The following CDKN2B-AS1 variants were observed in gnomAD, a reference collection of about 807,000 sequenced individuals.
CDKN2B-AS1 encodes the protein CDKN2B and CDKN2A antisense cis and trans regulatory RNA 1.
At chr9:22,063,298 T>C (rs1823900913) in intron 4 of CDKN2B-AS1, among the ~76,000 whole-genome samples, 1 of 152,150 alleles carries the variant, frequency 6.6e-6, no homozygotes, top group Non-Finnish European at 1.5e-5. Flanking sequence ...TTCAGTTTTG[T>C]GACACCACAT....
chr9:22,082,367 T>C (rs1367921899), intron 4 of CDKN2B-AS1, among the ~76,000 whole-genome samples: 1 of 152,228 alleles, frequency 6.6e-6, no homozygotes, highest in African/African-American at 2.4e-5. Flanking sequence ...TGGCTCACTA[T>C]TCACATCAAT....
intron 4 of CDKN2B-AS1, among the ~76,000 whole-genome samples, chr9:22,121,291 G>T (rs979490512): frequency 1.3e-5 from 2 of 151,970 alleles, no homozygotes; most frequent in Non-Finnish European, 2.9e-5. Context: ...GGTAGAGGTT[G>T]CTCAAAAAGA....
intron 4 of CDKN2B-AS1, among the ~76,000 whole-genome samples, chr9:22,087,311 C>T (rs1824897451): frequency 6.6e-6 from 1 of 152,136 alleles, no homozygotes; most frequent in Non-Finnish European, 1.5e-5. Flanking sequence ...CATCTTCAGA[C>T]CATGAGGGGA....
intron 2 of CDKN2B-AS1, among the ~76,000 whole-genome samples, chr9:22,048,916 G>C (rs1823221091): frequency 6.6e-6 from 1 of 152,176 alleles, no homozygotes; most frequent in South Asian, 2.1e-4. Context: ...TAGGGATAGT[G>C]TGAGACAAGT....
chr9:22,032,380 G>T (rs555035575), intron 1 of CDKN2B-AS1, among the ~76,000 whole-genome samples: 1 of 149,908 alleles, frequency 6.7e-6, no homozygotes, highest in Non-Finnish European at 1.5e-5. Flanking sequence ...TACTTTTTCC[G>T]TACTTTAAAT....
At chr9:22,090,004 T>G (rs529734053) in intron 4 of CDKN2B-AS1, among the ~76,000 whole-genome samples, 2 of 117,876 alleles carry the variant, frequency 1.7e-5, no homozygotes, top group Non-Finnish European at 3.3e-5. Context: ...CAGGCCCCGG[T>G]GTGTGATGTT....
At chr9:22,015,490 A>G (rs192821498) in intron 1 of CDKN2B-AS1, among the ~76,000 whole-genome samples, 1 of 152,226 alleles carries the variant, frequency 6.6e-6, no homozygotes, top group East Asian at 1.9e-4. Flanking sequence ...TTTAAAAATT[A>G]TCTTGCCAAA....
chr9:22,074,674 T>C (rs1824426329), intron 4 of CDKN2B-AS1, among the ~76,000 whole-genome samples: 1 of 152,170 alleles, frequency 6.6e-6, no homozygotes, highest in African/African-American at 2.4e-5. Flanking sequence ...CTTGGGACTA[T>C]TATGCTTTTC....
intron 3 of CDKN2B-AS1, among the ~76,000 whole-genome samples, chr9:22,054,347 G>A (rs1339495499): frequency 5.9e-5 from 9 of 152,172 alleles, no homozygotes. Context: ...AGACACATAG[G>A]AGGTGCTCAG....
chr9:22,059,542 G>A (rs1325856378), intron 4 of CDKN2B-AS1, among the ~76,000 whole-genome samples: 5 of 152,126 alleles, frequency 3.3e-5, no homozygotes, highest in Admixed American at 3.3e-4. Flanking sequence ...TTCACCGGCT[G>A]GTGTTGAGTG....
chr9:22,121,962 A>G (rs2131377761), intron 4 of CDKN2B-AS1, among the ~76,000 whole-genome samples: 1 of 152,178 alleles, frequency 6.6e-6, no homozygotes, highest in South Asian at 2.1e-4. Context: ...TTTTTTGAGG[A>G]ACCTCCATTC....
At chr9:22,126,370 T>C (rs1818023261) in intron 4 of CDKN2B-AS1, among the ~76,000 whole-genome samples, 2 of 152,166 alleles carry the variant, frequency 1.3e-5, no homozygotes, top group African/African-American at 2.4e-5. Flanking sequence ...TTATTATATA[T>C]TCTTTTGTAG....
At chr9:22,080,569 AT>A (rs72651093) in intron 4 of CDKN2B-AS1, among the ~76,000 whole-genome samples, 1,640 of 152,340 alleles carry the variant, frequency 0.011, 12 homozygotes, top group Non-Finnish European at 0.016. Context: ...ATCAAACACA[AT>A]GGGAAATGTT....
intron 4 of CDKN2B-AS1, among the ~76,000 whole-genome samples, chr9:22,057,669 G>A (rs551841149): frequency 7.9e-5 from 12 of 152,254 alleles, no homozygotes; most frequent in African/African-American, 2.2e-4. Flanking sequence ...TTAGCCAGGT[G>A]TGGTGGTGGG....
intron 2 of CDKN2B-AS1, among the ~76,000 whole-genome samples, chr9:22,047,562 G>T (rs1823157750): frequency 6.6e-6 from 1 of 152,080 alleles, no homozygotes; most frequent in South Asian, 2.1e-4. Context: ...TACAAATGCT[G>T]AAATATATTA....
intron 3 of CDKN2B-AS1, among the ~76,000 whole-genome samples, chr9:22,053,511 G>T (rs1051043941): frequency 6.6e-6 from 1 of 152,188 alleles, no homozygotes; most frequent in Non-Finnish European, 1.5e-5. Flanking sequence ...TGGAAATTCT[G>T]TTTGGTTTAT....
intron 4 of CDKN2B-AS1, among the ~76,000 whole-genome samples, chr9:22,061,126 A>G (rs1026968065): frequency 6.6e-6 from 1 of 152,234 alleles, no homozygotes; most frequent in Non-Finnish European, 1.5e-5. Flanking sequence ...ATTGGCCAGA[A>G]CCAGCTAGAT....
At chr9:22,015,195 A>G (rs1001903556) in intron 1 of CDKN2B-AS1, among the ~76,000 whole-genome samples, 1 of 152,198 alleles carries the variant, frequency 6.6e-6, no homozygotes, top group Non-Finnish European at 1.5e-5. Context: ...ACTGACTTCC[A>G]CAATGGTTGA....
At position 22,108,684 on chromosome 9, in the gene CDKN2B-AS1, A is replaced by T. The variant is rs557216945; in HGVS notation, n.439-18419A>T. ...AAGAAACAAATTTGAGCAGTTTCAC[A>T]ATTTAAAAAGTCTCCCAAATGGATT... On this transcript the variant is annotated intron_variant and non_coding_transcript_variant, in intron 4 of 4. Transcript: ENST00000650946. 6.6e-5 allele frequency among the ~76,000 whole-genome samples: 10 copies of T among 152,340 alleles called. No homozygotes were observed. The East Asian group carries it at 1.7e-3, about 26-fold the overall frequency.
Sources: allele counts gnomAD v4.1 joint callset (sites outside exome capture counted in the v4.1 genomes callset), GRCh38; gene constraint gnomAD v4.1.1; transcripts MANE v1.5; gene names NCBI Gene and HGNC (gene_info 2026-07-23, HGNC 2026-07-21).